Variants in SLC22A5 observed in about 807,000 individuals in gnomAD.
SLC22A5 encodes organic cation/carnitine transporter 2.
In SLC22A5, 44 loss-of-function variants were observed where a neutral mutation model predicts 56.7. That is an observed-to-expected ratio of 0.78 (90% CI 0.61 to 1.00). The LOEUF is 1.00. Among genes scored for constraint, SLC22A5 ranks in the 50% least tolerant of loss-of-function variants. The pLI is 0.00. For synonymous variants in SLC22A5, 278 were observed against 292.1 expected, an observed-to-expected ratio of 0.95 and a Z score of 0.49; for missense variants, 675 against 723.0, an observed-to-expected ratio of 0.93 and a Z score of 0.76.
intron 2 of SLC22A5, chr5:132,382,851 T>G (rs1309410862): frequency 6.6e-6 from 1 of 152,208 alleles, no homozygotes; most frequent in Admixed American, 6.5e-5. Context: ...CCAAGTGCCC[T>G]CTATAATAGA....
Position 132,370,305 on chromosome 5 carries a change from G to T in SLC22A5, c.333G>T (p.Glu111Asp), listed in dbSNP as rs1253086449. The change falls in exon 1 of 10, where the codon GAG (glutamate) becomes GAT (aspartate). Residue 111 changes from glutamate to aspartate, a missense_variant. Transcript: ENST00000245407. ...RDVDLGQLEQESCLDGWEFSQ... is the reference protein window; with the variant it reads ...RDVDLGQLEQDSCLDGWEFSQ... ...TGGACCTGGGGCAGCTGGAGCAGGA[G>T]AGCTGTCTGGATGGCTGGGAGTTCA... The T allele has an allele frequency of 6.2e-7, 1 of 1,610,950 alleles. No homozygotes were observed. Among genetic ancestry groups the T allele is most frequent in the Non-Finnish European group, 8.5e-7 (1 of 1,179,222 alleles).
Position 132,369,774 on chromosome 5 carries a change from C to T in SLC22A5, c.-199C>T, listed in dbSNP as rs982342220. ...CTTGCGGCCCAGGCCCGCAACCTTC[C>T]CTGGTCGTGCGCCCTATGTAAGGCC... On this transcript the variant is annotated 5_prime_UTR_variant, in exon 1 of 10. Transcript: ENST00000245407. The T allele has an allele frequency of 8.0e-6, 5 of 626,268 alleles. 1 individual carries two copies. Among genetic ancestry groups the T allele is most frequent in the Non-Finnish European group, 1.3e-5 (5 of 390,050 alleles). The allele number at this position is 626,268 out of a possible 1,614,324, so 38.8% of individuals were successfully genotyped here.
intron 2 of SLC22A5, chr5:132,382,616 T>G (rs1434263394): frequency 6.6e-6 from 1 of 152,156 alleles, no homozygotes; most frequent in Non-Finnish European, 1.5e-5. Flanking sequence ...AAGGAGACCC[T>G]CCCTGAATGT....
intron 5 of SLC22A5, 79 bp from the exon 6 acceptor site, chr5:132,388,842 G>C (rs1752613881): frequency 1.1e-6 from 1 of 908,326 alleles, no homozygotes; most frequent in African/African-American, 1.6e-5. Context: ...TAAGATGCCA[G>C]GGATTCAAGT....
At position 132,378,401 on chromosome 5, in the gene SLC22A5, C is replaced by T; in HGVS notation, c.417C>T (p.Asp139=). ...VTEWNLVCED[D]WKAPLTISLF... is the part of the protein sequence containing the mutation. ...AGTGGAACCTGGTGTGTGAGGACGACTGGAAGGCCCCACTCACAATCTCCT... is the reference window on the plus strand; with the variant it reads ...AGTGGAACCTGGTGTGTGAGGACGATTGGAAGGCCCCACTCACAATCTCCT... The change falls in exon 2 of 10, where the codon GAC becomes GAT. Residue 139 remains aspartate, a synonymous_variant. Transcript: ENST00000245407. 6.2e-7 allele frequency: 1 copy of T among 1,614,184 alleles called. No individual in the cohort carries two copies. Among genetic ancestry groups the T allele is most frequent in the South Asian group, 1.1e-5 (1 of 91,088 alleles).
At chr5:132,384,068 T>G in intron 2 of SLC22A5, 79 bp from the exon 3 acceptor site, 80 of 1,434,600 alleles carry the variant, frequency 5.6e-5, no homozygotes, top group Non-Finnish European at 7.0e-5. Flanking sequence ...GGATGGATCT[T>G]GAGAAAGCCC....
chr5:132,390,279 T>G (rs961260875), intron 6 of SLC22A5: 4 of 335,640 alleles, frequency 1.2e-5, no homozygotes, highest in Non-Finnish European at 2.3e-5. Flanking sequence ...ATCCCCCAAA[T>G]CCTATCACAC....
In SLC22A5 at chr5:132,394,791, G is replaced by A. The variant is rs1752822578; in HGVS notation, c.*519G>A. The A allele has an allele frequency of 5.9e-6, 1 of 169,110 alleles. No individual in the cohort carries two copies. The allele number at this position is 169,110 out of a possible 1,614,324, so 10.5% of individuals were successfully genotyped here. ...GGATCATTGCTTCCCCAGGGCAGGA[G>A]AGCGCAGAGCTAGGGAAAGTGAAAG... On this transcript the variant is annotated 3_prime_UTR_variant, in exon 10 of 10. Transcript: ENST00000245407.
At chr5:132,378,029 G>T in intron 1 of SLC22A5, 1 of 1,423,360 alleles carries the variant, frequency 7.0e-7, no homozygotes. Flanking sequence ...ACTGAGCGAG[G>T]GTGCCCTGCC....
At chr5:132,390,193 C>G (rs1752653680) in intron 6 of SLC22A5, 1 of 222,256 alleles carries the variant, frequency 4.5e-6, no homozygotes, top group South Asian at 6.3e-5. Flanking sequence ...CAGCCTCTTC[C>G]TGACTGGTCA....
At chr5:132,375,650 T>G (rs572887733) in intron 1 of SLC22A5, among the ~76,000 whole-genome samples, 1 of 152,222 alleles carries the variant, frequency 6.6e-6, no homozygotes, top group African/African-American at 2.4e-5. Context: ...AAGGTGTAAA[T>G]GACATAAAAA....
At chr5:132,378,534 C>T (rs1752231097) in intron 2 of SLC22A5, 53 bp downstream of exon 2, 11 of 1,296,704 alleles carry the variant, frequency 8.5e-6, no homozygotes, top group Admixed American at 1.7e-5. Context: ...GAGGAAGAAG[C>T]GTGTGCCTGG....
intron 7 of SLC22A5, among the ~76,000 whole-genome samples, chr5:132,391,738 G>A (rs1298061830): frequency 6.6e-6 from 1 of 152,128 alleles, no homozygotes; most frequent in Admixed American, 6.5e-5. Flanking sequence ...TTATAGAACA[G>A]TTCATGGGCC....
At chr5:132,374,837 C>T (rs1752077636) in intron 1 of SLC22A5, among the ~76,000 whole-genome samples, 1 of 151,856 alleles carries the variant, frequency 6.6e-6, no homozygotes, top group Admixed American at 6.6e-5. Flanking sequence ...GGGCAGATAA[C>T]CTGAGGTCAG....
chr5:132,378,349 A>G (rs777803656), intron 1 of SLC22A5, 29 bp from the exon 2 acceptor site: 2 of 1,612,186 alleles, frequency 1.2e-6, no homozygotes, highest in Non-Finnish European at 1.7e-6. Flanking sequence ...AAAGAAGTGA[A>G]TGATACACCC....
In SLC22A5 at chr5:132,392,588, A is replaced by G; in HGVS notation, c.1423A>G (p.Ile475Val). ...VSSTASRLGS[I>V]LSPYFVYLGA... The stretch of plus-strand genomic sequence containing the variant: ...CTCCACAGCATCCCGCCTGGGCAGC[A>G]TCCTGTCTCCCTACTTCGTTTACCT... The change falls in exon 8 of 10, where the codon ATC (isoleucine) becomes GTC (valine). Residue 475 changes from isoleucine (I) to valine (V), a missense_variant. By Grantham distance (29) the Ile-to-Val change is conservative. Transcript: ENST00000245407. 6.2e-7 allele frequency: 1 copy of G among 1,614,186 alleles called. No individual in the cohort carries two copies. The highest frequency in any genetic ancestry group is 1.1e-5 in the South Asian group (1 of 91,076).
Position 132,390,836 on chromosome 5 carries a change from G to A in SLC22A5, c.1199G>A (p.Arg400His), listed in dbSNP as rs371219688. 2.2e-5 allele frequency: 35 copies of A among 1,614,192 alleles called. No individual in the cohort carries two copies. The highest frequency in any genetic ancestry group is 6.7e-5 in the Admixed American group (4 of 60,020). Residue 400 changes from arginine (R) to histidine (H), a missense_variant, in exon 7 of 10, where the codon CGC becomes CAC. Physicochemically the swap from Arg to His is conservative, Grantham distance 29 (BLOSUM62 0). Coordinates refer to ENST00000245407, the MANE Select transcript of SLC22A5 (RefSeq NM_003060.4). ...AWLLLQYLPR[R>H]YSMATALFLG... ...CTGCTGCTGCAATATTTGCCCCGGCGCTATTCCATGGCCACTGCCCTCTTC... is the reference window on the plus strand; with the variant it reads ...CTGCTGCTGCAATATTTGCCCCGGCACTATTCCATGGCCACTGCCCTCTTC...
chr5:132,373,680 TAA>T (rs1475378021), intron 1 of SLC22A5, among the ~76,000 whole-genome samples: 1 of 152,124 alleles, frequency 6.6e-6, no homozygotes, highest in Non-Finnish European at 1.5e-5. Context: ...ATTTATGAGG[TAA>T]AAGAGTTTTA....
chr5:132,384,951 T>C (rs1456790453), intron 3 of SLC22A5, among the ~76,000 whole-genome samples: 1 of 152,226 alleles, frequency 6.6e-6, no homozygotes, highest in Non-Finnish European at 1.5e-5. Flanking sequence ...GGGTTGTTTT[T>C]TCTTTTTATA....
Sources: gnomAD v4.1 joint callset for allele counts (sites outside exome capture counted in the v4.1 genomes callset) on GRCh38, gnomAD v4.1.1 for gene constraint, MANE v1.5 for transcripts, NCBI Gene and HGNC (gene_info 2026-07-23, HGNC 2026-07-21) for gene names.